FER1L6: variants seen among roughly 807,000 people sequenced by gnomAD.
FER1L6 encodes fer-1-like protein 6.
Under a neutral mutation model 219.2 loss-of-function variants are expected in FER1L6, and 177 were observed. The ratio of observed to expected loss-of-function variants is 0.81; its 90% confidence interval spans 0.71 to 0.91. The LOEUF is 0.91. FER1L6 is among the 40% of genes least tolerant of loss of function. The probability of loss-of-function intolerance (pLI) is 0.00; values close to 1 mark genes in which losing one functional copy is unlikely to be tolerated. For missense variants in FER1L6, 2,153 were observed against 2,259.9 expected (o/e 0.95, Z 0.96); for synonymous variants, 768 against 824.3 (o/e 0.93, Z 1.17).
intron 6 of FER1L6, among the ~76,000 whole-genome samples, chr8:123,971,355 A>G (rs1815804419): frequency 6.6e-6 from 1 of 152,238 alleles, no homozygotes. Flanking sequence ...CAAGTGGTGC[A>G]GGTGATATTT....
chr8:124,006,653 A>G (rs1817667384), intron 13 of FER1L6, among the ~76,000 whole-genome samples: 1 of 152,224 alleles, frequency 6.6e-6, no homozygotes, highest in Admixed American at 6.5e-5. Context: ...GAGCTCCGGA[A>G]TGGGACTGGA....
intron 3 of FER1L6, among the ~76,000 whole-genome samples, chr8:123,964,364 T>G (rs1482771739): frequency 6.6e-6 from 1 of 152,168 alleles, no homozygotes; most frequent in Non-Finnish European, 1.5e-5. Flanking sequence ...TAAAACAAAT[T>G]AGTGCTTCCC....
chr8:124,024,694 T>C (rs1345372463), intron 18 of FER1L6, among the ~76,000 whole-genome samples: 1 of 152,192 alleles, frequency 6.6e-6, no homozygotes, highest in Admixed American at 6.5e-5. Flanking sequence ...CTTTTTGATC[T>C]TTTTCTTTGG....
At chr8:124,114,957 C>T (rs1209753422) in intron 39 of FER1L6, among the ~76,000 whole-genome samples, 1 of 130,896 alleles carries the variant, frequency 7.6e-6, no homozygotes, top group East Asian at 2.3e-4. Flanking sequence ...AAGATTTTGT[C>T]AGCATACTTT....
intron 1 of FER1L6, among the ~76,000 whole-genome samples, chr8:123,933,671 A>T (rs1213656617): frequency 1.3e-5 from 2 of 152,208 alleles, no homozygotes; most frequent in Non-Finnish European, 2.9e-5. Context: ...AGTATATGAA[A>T]CAAAAATGGA....
At chr8:123,956,943 C>A (rs1472064109) in intron 2 of FER1L6, among the ~76,000 whole-genome samples, 1 of 152,150 alleles carries the variant, frequency 6.6e-6, no homozygotes, top group Non-Finnish European at 1.5e-5. Flanking sequence ...CTGGGTAGAT[C>A]CTCAGTGTTT....
At chr8:124,117,708 G>A (rs1356400491) in intron 39 of FER1L6, among the ~76,000 whole-genome samples, 1 of 152,128 alleles carries the variant, frequency 6.6e-6, no homozygotes, top group Non-Finnish European at 1.5e-5. Flanking sequence ...CTTACCCCAT[G>A]TATTCTATAT....
chr8:123,954,782 T>C (rs573983874), intron 1 of FER1L6, among the ~76,000 whole-genome samples: 33 of 152,308 alleles, frequency 2.2e-4, no homozygotes, highest in African/African-American at 7.9e-4. Flanking sequence ...CCTAAACATA[T>C]AAGCAAAATG....
chr8:123,963,505 G>A, intron 3 of FER1L6, 107 bp downstream of exon 3: 1 of 1,330,620 alleles, frequency 7.5e-7, no homozygotes, highest in South Asian at 1.3e-5. Flanking sequence ...CATAGTCACT[G>A]TCTACAGGCA....
intron 11 of FER1L6, among the ~76,000 whole-genome samples, chr8:123,982,597 G>A (rs1464533213): frequency 6.6e-6 from 1 of 152,158 alleles, no homozygotes; most frequent in East Asian, 1.9e-4. Context: ...ATGGCTGCAT[G>A]ATAACATATC....
intron 12 of FER1L6, among the ~76,000 whole-genome samples, 179 bp from the exon 13 acceptor site, chr8:124,002,988 T>C (rs897833482): frequency 1.3e-5 from 2 of 152,182 alleles, no homozygotes; most frequent in African/African-American, 4.8e-5. Flanking sequence ...ATAAGATGGA[T>C]AGAGATGATA....
chr8:123,932,062 G>A (rs549228710), intron 1 of FER1L6, among the ~76,000 whole-genome samples: 2 of 152,248 alleles, frequency 1.3e-5, no homozygotes, highest in South Asian at 2.1e-4. Flanking sequence ...TATTAGAGCT[G>A]CAGTTTATTT....
At chr8:123,985,902 C>T in intron 11 of FER1L6, 166 bp from the exon 12 acceptor site, 1 of 577,628 alleles carries the variant, frequency 1.7e-6, no homozygotes, top group Non-Finnish European at 3.1e-6. Flanking sequence ...GTTTGCAGAT[C>T]CTGATTCATA....
intron 1 of FER1L6, among the ~76,000 whole-genome samples, chr8:123,911,090 G>A (rs1014594181): frequency 6.6e-6 from 1 of 152,050 alleles, no homozygotes; most frequent in Non-Finnish European, 1.5e-5. Context: ...TCATTGGGCA[G>A]GAGTCCATGG....
At chr8:123,937,890 CAT>C (rs1373076617) in intron 1 of FER1L6, among the ~76,000 whole-genome samples, 1 of 152,078 alleles carries the variant, frequency 6.6e-6, no homozygotes, top group Non-Finnish European at 1.5e-5. Context: ...CAGCATAAAA[CAT>C]AGTACTAAGA....
intron 15 of FER1L6, among the ~76,000 whole-genome samples, chr8:124,015,603 A>ATG (rs368834848): frequency 3.1e-4 from 31 of 99,374 alleles, no homozygotes; most frequent in African/African-American, 1.7e-3. Flanking sequence ...ATATATATAT[A>ATG]TATATATATA....
chr8:123,903,699 G>A (rs1270975551), intron 1 of FER1L6, among the ~76,000 whole-genome samples: 3 of 152,064 alleles, frequency 2.0e-5, no homozygotes, highest in South Asian at 2.1e-4. Context: ...TGAAGTCTAC[G>A]CTTACGTATG....
At chr8:124,015,616 T>TATATATATATG (rs1586593989) in intron 15 of FER1L6, among the ~76,000 whole-genome samples, 1 of 128,608 alleles carries the variant, frequency 7.8e-6, no homozygotes, top group Non-Finnish European at 1.7e-5. Context: ...TATATATATA[T>TATATATATATG]TACTCCTGCT....
At chr8:123,931,126 C>A (rs1316207884) in intron 1 of FER1L6, among the ~76,000 whole-genome samples, 1 of 152,176 alleles carries the variant, frequency 6.6e-6, no homozygotes, top group Non-Finnish European at 1.5e-5. Context: ...GCTCTGGAGG[C>A]CCTGCCTGCA....
Sources: allele counts gnomAD v4.1 joint callset (sites outside exome capture counted in the v4.1 genomes callset), GRCh38; gene constraint gnomAD v4.1.1; transcripts MANE v1.5; gene names NCBI Gene and HGNC (gene_info 2026-07-23, HGNC 2026-07-21).